Variants in PTN observed in about 807,000 individuals in gnomAD.
The protein encoded by PTN is heparin affin regulatory protein.
A neutral mutation model predicts 24.1 loss-of-function variants in PTN; 18 were observed. The ratio of observed to expected loss-of-function variants is 0.75; its 90% CI spans 0.52 to 1.11. The LOEUF is 1.11. Ranked by LOEUF, PTN falls within the 50% of genes least tolerant of loss-of-function variation. PTN has a pLI of 0.00. For missense variants in PTN, 163 were observed against 198.8 expected (o/e 0.82, Z 1.08); for synonymous variants, 78 against 68.6 (o/e 1.14, Z -0.67).
At chr7:137,300,021 G>A (rs1356725863) in intron 1 of PTN, among the ~76,000 whole-genome samples, 2 of 151,624 alleles carry the variant, frequency 1.3e-5, no homozygotes, top group African/African-American at 2.4e-5. Flanking sequence ...ACATGAGGAA[G>A]AAAAGCCCAA....
At chr7:137,279,385 A>G (rs1809428029) in intron 1 of PTN, among the ~76,000 whole-genome samples, 1 of 152,236 alleles carries the variant, frequency 6.6e-6, no homozygotes. Context: ...ATTAAGATGC[A>G]CCAAAATTAG....
At chr7:137,245,563 T>C (rs542283684) in intron 4 of PTN, among the ~76,000 whole-genome samples, 1 of 152,342 alleles carries the variant, frequency 6.6e-6, no homozygotes, top group South Asian at 2.1e-4. Flanking sequence ...GTATTTACTA[T>C]ACAATACTTT....
intron 4 of PTN, among the ~76,000 whole-genome samples, chr7:137,230,235 T>C (rs1156904665): frequency 1.3e-5 from 2 of 151,872 alleles, no homozygotes; most frequent in Non-Finnish European, 1.5e-5. Flanking sequence ...AAGAACACTT[T>C]GGGAATAGGA....
At chr7:137,252,309 GT>G (rs1190284150) in intron 3 of PTN, among the ~76,000 whole-genome samples, 2 of 151,826 alleles carry the variant, frequency 1.3e-5, no homozygotes, top group Non-Finnish European at 1.5e-5. Flanking sequence ...ATTTTCAGGA[GT>G]TCATTTGTTG....
intron 1 of PTN, among the ~76,000 whole-genome samples, chr7:137,272,233 C>G (rs1396497944): frequency 2.0e-5 from 3 of 152,216 alleles, no homozygotes; most frequent in Non-Finnish European, 4.4e-5. Flanking sequence ...AGCTTTCCTT[C>G]TTGGAGGCAC....
chr7:137,280,863 C>A (rs1035321408), intron 1 of PTN, among the ~76,000 whole-genome samples: 1 of 137,486 alleles, frequency 7.3e-6, no homozygotes, highest in African/African-American at 2.8e-5. Flanking sequence ...CAGAGCAAGA[C>A]TTTGTCTCAA....
chr7:137,324,142 T>C (rs1222489227), intron 1 of PTN, among the ~76,000 whole-genome samples: 1 of 152,056 alleles, frequency 6.6e-6, no homozygotes, highest in Non-Finnish European at 1.5e-5. Context: ...GTAGGTCGTA[T>C]TTTCAATAGA....
At chr7:137,237,759 C>A (rs1262383683) in intron 4 of PTN, among the ~76,000 whole-genome samples, 1 of 152,154 alleles carries the variant, frequency 6.6e-6, no homozygotes, top group East Asian at 1.9e-4. Context: ...TCTATAGCAG[C>A]AGCAGCAAAA....
chr7:137,298,547 G>C (rs1472746856), intron 1 of PTN, among the ~76,000 whole-genome samples: 1 of 151,758 alleles, frequency 6.6e-6, no homozygotes, highest in African/African-American at 2.4e-5. Context: ...GTGAGATCTG[G>C]TCAAAATTCT....
chr7:137,324,433 A>AAAAATATATATATATATATATATATAT, intron 1 of PTN, among the ~76,000 whole-genome samples: 4 of 88,762 alleles, frequency 4.5e-5, no homozygotes, highest in Non-Finnish European at 7.5e-5. Context: ...AAAAAAAAAA[A>AAAAATATATATATATATATATATATAT]ATATATATAT....
intron 1 of PTN, among the ~76,000 whole-genome samples, chr7:137,305,880 T>C (rs1429277182): frequency 6.6e-6 from 1 of 152,098 alleles, no homozygotes; most frequent in Non-Finnish European, 1.5e-5. Context: ...GAATTCCTCA[T>C]AGAATAATCA....
chr7:137,230,068 A>T (rs10954577), intron 4 of PTN, among the ~76,000 whole-genome samples: 2 of 151,636 alleles, frequency 1.3e-5, no homozygotes, highest in Non-Finnish European at 2.9e-5. Context: ...ATATCTAAGT[A>T]GCAATTTTCA....
intron 1 of PTN, among the ~76,000 whole-genome samples, chr7:137,289,426 C>T (rs762791366): frequency 5.3e-5 from 8 of 152,152 alleles, no homozygotes; most frequent in African/African-American, 9.7e-5. Flanking sequence ...TCTTATCGAT[C>T]GAGCAACCAC....
intron 1 of PTN, among the ~76,000 whole-genome samples, chr7:137,290,481 C>A (rs903075595): frequency 6.6e-5 from 10 of 152,118 alleles, no homozygotes; most frequent in Non-Finnish European, 1.2e-4. Context: ...GTAGGTTCAT[C>A]AAATTCCTCT....
intron 1 of PTN, among the ~76,000 whole-genome samples, chr7:137,337,023 G>A (rs764591183): frequency 2.6e-5 from 4 of 152,166 alleles, no homozygotes; most frequent in Non-Finnish European, 4.4e-5. Context: ...CTCAAATATT[G>A]AGCGATTAAG....
At chr7:137,320,237 A>T (rs1281041955) in intron 1 of PTN, among the ~76,000 whole-genome samples, 2 of 152,212 alleles carry the variant, frequency 1.3e-5, no homozygotes, top group Non-Finnish European at 2.9e-5. Flanking sequence ...CCACACATTC[A>T]CAGGCACTGT....
intron 1 of PTN, among the ~76,000 whole-genome samples, chr7:137,256,138 C>G (rs953367939): frequency 1.3e-5 from 2 of 152,044 alleles, no homozygotes; most frequent in African/African-American, 2.4e-5. Context: ...GAATTTTTCT[C>G]CTTTTCTGTG....
At chr7:137,297,960 T>C (rs1418017555) in intron 1 of PTN, among the ~76,000 whole-genome samples, 1 of 151,980 alleles carries the variant, frequency 6.6e-6, no homozygotes, top group Non-Finnish European at 1.5e-5. Context: ...TCACTAACCC[T>C]GTCACAAGCT....
intron 1 of PTN, chr7:137,325,995 T>G (rs771881390): frequency 1.2e-4 from 18 of 152,226 alleles, no homozygotes; most frequent in Non-Finnish European, 2.4e-4. Context: ...GAAAAACGTT[T>G]CTCAGAAAAT....
Sources: allele counts gnomAD v4.1 joint callset (sites outside exome capture counted in the v4.1 genomes callset), GRCh38; gene constraint gnomAD v4.1.1; transcripts MANE v1.5; gene names NCBI Gene and HGNC (gene_info 2026-07-23, HGNC 2026-07-21).